The following CAMTA1 variants were observed in gnomAD, a reference collection of about 807,000 sequenced individuals.
CAMTA1 encodes calmodulin-binding transcription activator 1.
Under a neutral mutation model 170.9 loss-of-function variants are expected in CAMTA1, and 27 were observed. The ratio of observed to expected loss-of-function variants is 0.16; its 90% CI spans 0.12 to 0.22. CAMTA1 has a LOEUF of 0.22. Among genes scored for constraint, CAMTA1 ranks in the 10% least tolerant of loss-of-function variants. The pLI is 1.00. For missense variants in CAMTA1, 1,619 were observed against 2,217.2 expected, an observed-to-expected ratio of 0.73 and a Z score of 5.42; for synonymous variants, 833 against 891.5, an observed-to-expected ratio of 0.93 and a Z score of 1.17.
intron 4 of CAMTA1, among the ~76,000 whole-genome samples, chr1:7,168,078 A>C (rs932548308): frequency 6.6e-5 from 10 of 152,208 alleles, no homozygotes; most frequent in African/African-American, 2.4e-4. Context: ...TAGGTTAAAC[A>C]CTAATAATTT....
At chr1:6,812,395 G>T (rs1290631831) in intron 1 of CAMTA1, among the ~76,000 whole-genome samples, 1 of 152,152 alleles carries the variant, frequency 6.6e-6, no homozygotes. Flanking sequence ...ATATGAAAAT[G>T]CTTGTTATAC....
Position 7,581,594 on chromosome 1 carries a change from G to A in CAMTA1, c.511-58806G>A, listed in dbSNP as rs536918259. Among the ~76,000 whole-genome samples the A allele has an allele frequency of 7.2e-5, 11 of 152,366 alleles. No homozygotes were observed. In the East Asian group the frequency reaches 1.2e-3, roughly 16 times the overall value. ...AAGAGCACCCTCCCTCCACTGGGCC[G>A]TGGACAAGCTCTTTGGAGGTGGGAC... is the stretch of plus-strand genomic sequence containing the variant. On this transcript the variant is annotated intron_variant, in intron 6 of 22. Coordinates refer to ENST00000303635, the MANE Select transcript of CAMTA1 (RefSeq NM_015215.4).
intron 4 of CAMTA1, among the ~76,000 whole-genome samples, chr1:7,207,871 A>C (rs1658046065): frequency 6.6e-6 from 1 of 152,130 alleles, no homozygotes. Context: ...CTAAGTGCCC[A>C]CTCACCTCAG....
intron 11 of CAMTA1, among the ~76,000 whole-genome samples, chr1:7,707,888 T>C (rs1472766634): frequency 1.3e-5 from 2 of 152,196 alleles, no homozygotes; most frequent in Non-Finnish European, 2.9e-5. Context: ...CATCTTTTCT[T>C]TGCTATTCTC....
At chr1:6,846,959 C>T (rs17837915) in intron 3 of CAMTA1, among the ~76,000 whole-genome samples, 5,232 of 150,440 alleles carry the variant, frequency 0.035, 302 homozygotes, top group African/African-American at 0.12. Flanking sequence ...GATGTATCTG[C>T]GGCAAAAAGG....
chr1:7,163,306 G>T lies in CAMTA1; in HGVS notation c.302+71935G>T, dbSNP rs1173131645. Among the ~76,000 whole-genome samples, 34 of 122,728 alleles carry T rather than the reference G, an allele frequency of 2.8e-4. 1 individual carries two copies. The highest frequency in any genetic ancestry group is 3.3e-5 in the Non-Finnish European group (2 of 61,278). The allele number at this position is 122,728 out of a possible 152,430, so 80.5% of individuals were successfully genotyped here. The stretch of plus-strand genomic sequence containing the variant: ...GTGGCCAGGCTGGGGTGGGGGGAAA[G>T]GTCACTGGATGGGGGGAGACCAAGG... On this transcript the variant is annotated intron_variant, in intron 4 of 22. Transcript: ENST00000303635.
intron 5 of CAMTA1, among the ~76,000 whole-genome samples, chr1:7,428,329 G>A (rs929550621): frequency 1.5e-4 from 23 of 152,154 alleles, no homozygotes; most frequent in African/African-American, 4.6e-4. Flanking sequence ...TGTAGGAGGC[G>A]CTCACTGAGT....
chr1:7,332,474 C>T (rs975189853), intron 5 of CAMTA1, among the ~76,000 whole-genome samples: 5 of 152,192 alleles, frequency 3.3e-5, no homozygotes, highest in Non-Finnish European at 7.3e-5. Context: ...GTAAACCACA[C>T]CTAACTCGCT....
chr1:7,559,103 CAGGA>C (rs1290465554), intron 6 of CAMTA1, among the ~76,000 whole-genome samples: 1 of 152,330 alleles, frequency 6.6e-6, no homozygotes, highest in East Asian at 1.9e-4. Flanking sequence ...GGCAGCCGCT[CAGGA>C]AGGAGGCGGC....
chr1:7,630,428 G>T (rs1460076964), intron 6 of CAMTA1, among the ~76,000 whole-genome samples: 2 of 152,204 alleles, frequency 1.3e-5, no homozygotes, highest in Non-Finnish European at 2.9e-5. Flanking sequence ...GCTAAAGGAG[G>T]CAGGGCAAGC....
intron 3 of CAMTA1, among the ~76,000 whole-genome samples, chr1:6,979,365 A>G (rs748494946): frequency 4.6e-5 from 7 of 152,188 alleles, no homozygotes; most frequent in Non-Finnish European, 8.8e-5. Flanking sequence ...GGGCCATTCA[A>G]TTCTGCATCA....
intron 4 of CAMTA1, among the ~76,000 whole-genome samples, chr1:7,147,850 A>T (rs1486848649): frequency 2.1e-5 from 3 of 141,098 alleles, no homozygotes; most frequent in African/African-American, 7.5e-5. Flanking sequence ...TACCATGCAC[A>T]CACACACTCA....
At chr1:7,429,434 T>C (rs542769612) in intron 5 of CAMTA1, among the ~76,000 whole-genome samples, 17 of 152,248 alleles carry the variant, frequency 1.1e-4, no homozygotes, top group Admixed American at 9.8e-4. Flanking sequence ...ATTATATCAA[T>C]GATGGTGATT....
At chr1:7,586,175 C>CG (rs2095308092) in intron 6 of CAMTA1, among the ~76,000 whole-genome samples, 1 of 152,096 alleles carries the variant, frequency 6.6e-6, no homozygotes, top group South Asian at 2.1e-4. Flanking sequence ...CTCAGGGCCC[C>CG]GGGCACCCTC....
At chr1:7,150,327 C>T (rs1428854032) in intron 4 of CAMTA1, among the ~76,000 whole-genome samples, 1 of 152,174 alleles carries the variant, frequency 6.6e-6, no homozygotes, top group Non-Finnish European at 1.5e-5. Context: ...AATGGAAATG[C>T]TTCTCCAACT....
chr1:7,488,211 C>T (rs1174690118), intron 6 of CAMTA1, among the ~76,000 whole-genome samples: 1 of 152,186 alleles, frequency 6.6e-6, no homozygotes, highest in East Asian at 1.9e-4. Flanking sequence ...CAGGAGCTCT[C>T]AGGTGACCAG....
chr1:7,169,217 G>T (rs1346037966), intron 4 of CAMTA1, among the ~76,000 whole-genome samples: 1 of 152,090 alleles, frequency 6.6e-6, no homozygotes, highest in African/African-American at 2.4e-5. Context: ...TTGCGTCTAT[G>T]TTCATGATTT....
chr1:7,321,687 C>G (rs1678443955), intron 5 of CAMTA1, among the ~76,000 whole-genome samples: 1 of 152,198 alleles, frequency 6.6e-6, no homozygotes, highest in Admixed American at 6.5e-5. Context: ...AGAGTTCACA[C>G]CATCCCCAGG....
intron 5 of CAMTA1, among the ~76,000 whole-genome samples, chr1:7,408,568 G>A (rs1316170268): frequency 6.6e-6 from 1 of 152,222 alleles, no homozygotes; most frequent in African/African-American, 2.4e-5. Context: ...GCCACCCTGG[G>A]CAGCACCTCT....
Sources: gnomAD v4.1 joint callset for allele counts (sites outside exome capture counted in the v4.1 genomes callset) on GRCh38, gnomAD v4.1.1 for gene constraint, MANE v1.5 for transcripts, NCBI Gene and HGNC (gene_info 2026-07-23, HGNC 2026-07-21) for gene names.